CPQ: variants seen among roughly 807,000 people sequenced by gnomAD.
The protein encoded by CPQ is carboxypeptidase Q.
Under a neutral mutation model 45.7 loss-of-function variants are expected in CPQ, and 37 were observed. The ratio of observed to expected loss-of-function variants is 0.81; its 90% CI spans 0.62 to 1.07. CPQ has a LOEUF of 1.07. Among genes scored for constraint, CPQ ranks in the 50% least tolerant of loss-of-function variants. The probability of loss-of-function intolerance (pLI) is 0.00; values close to 1 mark genes in which losing one functional copy is unlikely to be tolerated. For synonymous variants in CPQ, 186 were observed against 205.8 expected (o/e 0.90, Z 0.82); for missense variants, 537 against 572.9 (o/e 0.94, Z 0.64).
intron 5 of CPQ, among the ~76,000 whole-genome samples, chr8:96,998,958 C>G (rs1273666465): frequency 6.6e-6 from 1 of 152,028 alleles, no homozygotes; most frequent in Non-Finnish European, 1.5e-5. Context: ...GTACATGATA[C>G]TAGCGTAGCA....
intron 5 of CPQ, among the ~76,000 whole-genome samples, chr8:97,010,633 T>C (rs530545558): frequency 2.6e-4 from 39 of 152,244 alleles, no homozygotes; most frequent in Non-Finnish European, 4.6e-4. Context: ...GTAAATACTT[T>C]CACAGTTATG....
intron 2 of CPQ, among the ~76,000 whole-genome samples, chr8:96,823,603 CCTTT>C (rs1811338942): frequency 6.6e-6 from 1 of 151,906 alleles, no homozygotes; most frequent in African/African-American, 2.4e-5. Flanking sequence ...TTACCTTCTT[CCTTT>C]CTTTTTATTT....
chr8:96,766,940 CTG>C (rs1305400881), intron 1 of CPQ, among the ~76,000 whole-genome samples: 1 of 152,204 alleles, frequency 6.6e-6, no homozygotes, highest in Non-Finnish European at 1.5e-5. Flanking sequence ...CCTAAGAAGA[CTG>C]TGCTCTTTCC....
At chr8:96,956,607 C>A (rs1813361742) in intron 4 of CPQ, among the ~76,000 whole-genome samples, 1 of 151,948 alleles carries the variant, frequency 6.6e-6, no homozygotes, top group Non-Finnish European at 1.5e-5. Flanking sequence ...TTCCTTGGCT[C>A]TCATCATGTT....
intron 7 of CPQ, among the ~76,000 whole-genome samples, chr8:97,073,230 TA>T (rs1014157040): frequency 6.6e-6 from 1 of 152,212 alleles, no homozygotes; most frequent in Non-Finnish European, 1.5e-5. Flanking sequence ...CATATGGCAT[TA>T]AGAAGAACTA....
chr8:96,714,044 T>C (rs1211694586), intron 1 of CPQ, among the ~76,000 whole-genome samples: 1 of 152,236 alleles, frequency 6.6e-6, no homozygotes. Context: ...AGTTTTCTGA[T>C]ACTGTTGTCT....
chr8:96,929,487 C>T (rs1040597186), intron 4 of CPQ, among the ~76,000 whole-genome samples: 11 of 152,150 alleles, frequency 7.2e-5, no homozygotes, highest in Non-Finnish European at 1.2e-4. Flanking sequence ...ATGCAAGTCT[C>T]TCAGCTCCAA....
chr8:96,970,687 A>C (rs931553935), intron 5 of CPQ, among the ~76,000 whole-genome samples: 162 of 151,054 alleles, frequency 1.1e-3, no homozygotes, highest in Non-Finnish European at 1.7e-3. Flanking sequence ...CCTCAGCCTC[A>C]CGAGTAGCTG....
chr8:97,098,938 G>A (rs746120295), intron 7 of CPQ, among the ~76,000 whole-genome samples: 5 of 152,014 alleles, frequency 3.3e-5, no homozygotes, highest in Admixed American at 6.6e-5. Flanking sequence ...ACAGATATGT[G>A]TATAAAATTA....
chr8:97,077,338 T>C (rs1810865705), intron 7 of CPQ, among the ~76,000 whole-genome samples: 2 of 152,196 alleles, frequency 1.3e-5, no homozygotes, highest in Non-Finnish European at 2.9e-5. Context: ...ACTGGAGAGA[T>C]GAACTGCTCA....
At chr8:96,754,695 A>G (rs1014710633) in intron 1 of CPQ, among the ~76,000 whole-genome samples, 3 of 152,072 alleles carry the variant, frequency 2.0e-5, no homozygotes, top group Non-Finnish European at 2.9e-5. Flanking sequence ...TAAATTTGTT[A>G]AAACGTGATT....
intron 1 of CPQ, among the ~76,000 whole-genome samples, chr8:96,752,396 G>C (rs1810273883): frequency 6.6e-6 from 1 of 152,086 alleles, no homozygotes; most frequent in African/African-American, 2.4e-5. Context: ...TAGGAATTGT[G>C]AATGGGAGTT....
chr8:96,995,862 A>G (rs1809171031), intron 5 of CPQ, among the ~76,000 whole-genome samples: 1 of 151,960 alleles, frequency 6.6e-6, no homozygotes, highest in Non-Finnish European at 1.5e-5. Flanking sequence ...CTGTTATTAA[A>G]AAGTCAAAAG....
intron 4 of CPQ, among the ~76,000 whole-genome samples, chr8:96,882,052 C>T (rs1812230812): frequency 6.6e-6 from 1 of 152,150 alleles, no homozygotes; most frequent in East Asian, 1.9e-4. Context: ...GATGGAGAAA[C>T]AAGTCTTATG....
intron 5 of CPQ, among the ~76,000 whole-genome samples, chr8:97,028,623 C>G (rs975704494): frequency 1.3e-5 from 2 of 152,184 alleles, no homozygotes; most frequent in Non-Finnish European, 2.9e-5. Context: ...ATTTTTTTAA[C>G]TTCAGAAACA....
At chr8:96,924,631 T>A (rs567397890) in intron 4 of CPQ, among the ~76,000 whole-genome samples, 15 of 152,308 alleles carry the variant, frequency 9.8e-5, no homozygotes, top group Admixed American at 9.8e-4. Flanking sequence ...TATGGTGTTT[T>A]CGAAAGCAGA....
At chr8:96,855,699 A>G (rs1811838655) in intron 3 of CPQ, among the ~76,000 whole-genome samples, 1 of 152,338 alleles carries the variant, frequency 6.6e-6, no homozygotes, top group Non-Finnish European at 1.5e-5. Flanking sequence ...TCCCTCACGC[A>G]TCTTACTTAC....
At chr8:96,959,440 C>A (rs916665113) in intron 4 of CPQ, among the ~76,000 whole-genome samples, 2 of 152,144 alleles carry the variant, frequency 1.3e-5, no homozygotes. Flanking sequence ...TTTAGAAAAT[C>A]TCCAAGGCAG....
chr8:96,922,667 A>C (rs1344729391), intron 4 of CPQ, among the ~76,000 whole-genome samples: 1 of 152,228 alleles, frequency 6.6e-6, no homozygotes, highest in Non-Finnish European at 1.5e-5. Context: ...TTTCAAACCA[A>C]TGTCTCCGAC....
Sources: allele counts gnomAD v4.1 joint callset (sites outside exome capture counted in the v4.1 genomes callset), GRCh38; gene constraint gnomAD v4.1.1; transcripts MANE v1.5; gene names NCBI Gene and HGNC (gene_info 2026-07-23, HGNC 2026-07-21).